MTR: variants seen among roughly 807,000 people sequenced by gnomAD.
The protein encoded by MTR is 5-methyltetrahydrofolate-homocysteine methyltransferase, also known as methionine synthase.
A neutral mutation model predicts 154.8 loss-of-function variants in MTR; 84 were observed. That is an observed-to-expected ratio of 0.54 (90% CI 0.45 to 0.65). The LOEUF (loss-of-function observed/expected upper bound fraction) is 0.65, where lower values mean the gene tolerates loss of function less well. MTR is among the 30% of genes least tolerant of loss of function. The pLI, the probability that MTR is intolerant of heterozygous loss-of-function variation, is 0.00. For missense variants in MTR, 1,275 were observed against 1,570.2 expected (o/e 0.81, Z 3.18); for synonymous variants, 554 against 553.9 (o/e 1.00, Z 0.00).
intron 6 of MTR, 72 bp downstream of exon 6, chr1:236,812,916 G>T: frequency 9.0e-7 from 1 of 1,113,800 alleles, no homozygotes; most frequent in Non-Finnish European, 1.4e-6. Context: ...GTAGGGAGAA[G>T]ATAATATTAG....
At chr1:236,803,668 G>A (rs755686433) in intron 2 of MTR, 26 bp downstream of exon 2, 7 of 1,601,550 alleles carry the variant, frequency 4.4e-6, no homozygotes, top group Admixed American at 1.7e-5. Context: ...GTTCCCATGT[G>A]TATTCATTCT....
chr1:236,822,000 CT>C (rs1178130852), intron 8 of MTR, among the ~76,000 whole-genome samples: 1 of 152,116 alleles, frequency 6.6e-6, no homozygotes, highest in Non-Finnish European at 1.5e-5. Flanking sequence ...AGTCCTTCAA[CT>C]TTTGTTTTTT....
intron 8 of MTR, among the ~76,000 whole-genome samples, chr1:236,822,810 C>T (rs998184846): frequency 6.6e-6 from 1 of 152,100 alleles, no homozygotes; most frequent in Non-Finnish European, 1.5e-5. Context: ...CTTTCCAATC[C>T]GTATGTGTAC....
chr1:236,886,155 T>G, intron 26 of MTR, 137 bp from the exon 27 acceptor site: 1 of 745,604 alleles, frequency 1.3e-6, no homozygotes, highest in Non-Finnish European at 2.3e-6. Context: ...AGGAAGAGCT[T>G]TTTAGAATAA....
rs143851362 is a variant in MTR, at chr1:236,892,298, C to G, written c.3204+969C>G. Among the ~76,000 whole-genome samples, 505 of 152,090 alleles carry G rather than the reference C, an allele frequency of 3.3e-3. 5 individuals are homozygous for G. The highest frequency in any genetic ancestry group is 0.011 in the African/African-American group (467 of 41,470). ...ACTAGCCCCGGCAAGATGGCAAGAC[C>G]CTGTCTCTACAAAACAAATTTAAAA... On this transcript the variant is annotated intron_variant, in intron 29 of 32. Coordinates refer to ENST00000366577, the MANE Select transcript of MTR (RefSeq NM_000254.3).
intron 26 of MTR, among the ~76,000 whole-genome samples, chr1:236,885,807 G>T (rs1431707179): frequency 6.6e-6 from 1 of 152,212 alleles, no homozygotes; most frequent in South Asian, 2.1e-4. Flanking sequence ...GGAGTTGCTA[G>T]GCAAGTGAAA....
intron 2 of MTR, 50 bp from the exon 3 acceptor site, chr1:236,806,094 G>T (rs745775089): frequency 6.8e-7 from 1 of 1,462,978 alleles, no homozygotes; most frequent in Non-Finnish European, 9.6e-7. Context: ...TATTCTGGGG[G>T]CACAAGAAAC....
intron 10 of MTR, among the ~76,000 whole-genome samples, 159 bp from the exon 11 acceptor site, chr1:236,826,670 G>T (rs1342782046): frequency 6.6e-6 from 1 of 152,172 alleles, no homozygotes; most frequent in African/African-American, 2.4e-5. Context: ...TATGTCTAGG[G>T]CATGTGATAT....
rs933159193 is a variant in MTR at position 236,901,542 on chromosome 1, G to C, written c.*3898G>C. 1.3e-5 allele frequency: 2 copies of C among 152,198 alleles called. No individual in the cohort carries two copies. Among genetic ancestry groups the C allele is most frequent in the African/African-American group, 4.8e-5 (2 of 41,444 alleles). The allele number at this position is 152,198 out of a possible 1,614,324, so 9.4% of individuals were successfully genotyped here. On this transcript the variant is annotated 3_prime_UTR_variant, in exon 33 of 33. Coordinates refer to ENST00000366577, the MANE Select transcript of MTR (RefSeq NM_000254.3). ...GTTGCCCCTGACCCCTCCAGTCTTA[G>C]CTCCTGCTCCTGTAACAAAATACCA...
At chr1:236,891,075 T>G in intron 28 of MTR, 58 bp from the exon 29 acceptor site, 2 of 1,569,918 alleles carry the variant, frequency 1.3e-6, no homozygotes, top group Non-Finnish European at 1.8e-6. Flanking sequence ...AAAAGAAGCA[T>G]TGTTTGATGG....
In MTR at chr1:236,819,331, T is replaced by C; in HGVS notation, c.764+2788T>C. 1.3e-5 allele frequency among the ~76,000 whole-genome samples: 2 copies of C among 152,106 alleles called. 1 individual carries two copies. Among genetic ancestry groups the C allele is most frequent in the South Asian group, 4.1e-4 (2 of 4,824 alleles). ...TATAGTTTTGCTGTTTCCAGAATGG[T>C]ATATAGTTGAGACCACATAGTATGT... On this transcript the variant is annotated intron_variant, in intron 8 of 32. Transcript: ENST00000366577.
At chr1:236,861,087 C>CT (rs1664509075) in intron 19 of MTR, 38 bp from the exon 20 acceptor site, 1 of 1,444,740 alleles carries the variant, frequency 6.9e-7, no homozygotes, top group Non-Finnish European at 9.2e-7. Flanking sequence ...TTTTTTCTTT[C>CT]TTTCTTTTTC....
At chr1:236,823,894 A>C (rs1662131913) in intron 8 of MTR, among the ~76,000 whole-genome samples, 2 of 131,874 alleles carry the variant, frequency 1.5e-5, no homozygotes, top group Non-Finnish European at 3.0e-5. Flanking sequence ...TGAGGAGTCC[A>C]CCCACAGGCA....
At position 236,840,463 on chromosome 1, in the gene MTR, C is replaced by G. The variant is rs562227183; in HGVS notation, c.1515+1864C>G. Among the ~76,000 whole-genome samples the G allele has an allele frequency of 2.2e-4, 33 of 152,198 alleles. 1 individual carries two copies. In the South Asian group the frequency reaches 6.6e-3, roughly 31 times the overall value. Reference sequence around the variant, plus strand: ...TTCATCAGGGCCTGTGCTAAATGGTCGAGTGAAGAGGCTGTCAGGGAAGAG... The same window carrying G: ...TTCATCAGGGCCTGTGCTAAATGGTGGAGTGAAGAGGCTGTCAGGGAAGAG... On this transcript the variant is annotated intron_variant, in intron 15 of 32. Transcript: ENST00000366577.
chr1:236,892,853 T>C (rs1384495219), intron 29 of MTR, among the ~76,000 whole-genome samples: 1 of 152,186 alleles, frequency 6.6e-6, no homozygotes, highest in Non-Finnish European at 1.5e-5. Context: ...TCTTTTTACT[T>C]TCAGTACCAT....
intron 5 of MTR, among the ~76,000 whole-genome samples, chr1:236,810,846 T>C (rs1275423047): frequency 2.6e-5 from 4 of 152,208 alleles, no homozygotes; most frequent in Non-Finnish European, 1.5e-5. Flanking sequence ...CTTTGTCAGC[T>C]GTGGAAATAA....
chr1:236,845,911 C>T (rs1663542689), intron 15 of MTR, among the ~76,000 whole-genome samples: 1 of 152,176 alleles, frequency 6.6e-6, no homozygotes, highest in South Asian at 2.1e-4. Context: ...ATTTGCTTTG[C>T]TTGGATTGAC....
rs777871271 is a variant in MTR at position 236,853,095 on chromosome 1, A to G, written c.1953+7A>G. On this transcript the variant is annotated splice_region_variant and intron_variant, in intron 18 of 32. Transcript: ENST00000366577. ...GCTCTTACGTTATGCCCAGGTAGAG[A>G]GACAAGTGTTCTAATAGATGGATTT... 9 of 1,613,902 alleles carry G rather than the reference A, an allele frequency of 5.6e-6. No homozygotes were observed. In the Admixed American group the frequency reaches 1.3e-4, roughly 24 times the overall value.
chr1:236,874,700 T>C, intron 23 of MTR, 26 bp from the exon 24 acceptor site: 1 of 826,814 alleles, frequency 1.2e-6, no homozygotes, highest in Non-Finnish European at 1.6e-6. Flanking sequence ...TTTTTGTCCT[T>C]TTTTTTTTAA....
Sources: gnomAD v4.1 joint callset for allele counts (sites outside exome capture counted in the v4.1 genomes callset) on GRCh38, gnomAD v4.1.1 for gene constraint, MANE v1.5 for transcripts, NCBI Gene and HGNC (gene_info 2026-07-23, HGNC 2026-07-21) for gene names.